ARHGAP21: variants seen among roughly 807,000 people sequenced by gnomAD.
ARHGAP21 encodes rho GTPase-activating protein 21.
In ARHGAP21, 38 loss-of-function variants were observed where a neutral mutation model predicts 164.6. The observed-to-expected ratio is 0.23, with a 90% confidence interval of 0.18 to 0.30. The LOEUF is 0.30. Ranked by LOEUF, ARHGAP21 falls within the 10% of genes least tolerant of loss-of-function variation. The pLI, the probability that ARHGAP21 is intolerant of heterozygous loss-of-function variation, is 1.00. For missense variants in ARHGAP21, 1,822 were observed against 2,370.7 expected, an observed-to-expected ratio of 0.77 and a Z score of 4.81; for synonymous variants, 766 against 857.9, an observed-to-expected ratio of 0.89 and a Z score of 1.87.
intron 2 of ARHGAP21, among the ~76,000 whole-genome samples, chr10:24,677,732 C>A (rs1441702609): frequency 6.6e-6 from 1 of 152,136 alleles, no homozygotes; most frequent in East Asian, 1.9e-4. Context: ...TGACTGGATC[C>A]TCCTTTTGAG....
chr10:24,618,988 T>C (rs766207083), intron 9 of ARHGAP21, among the ~76,000 whole-genome samples: 10 of 152,176 alleles, frequency 6.6e-5, no homozygotes, highest in Non-Finnish European at 1.5e-4. Flanking sequence ...CTTCTCTAAA[T>C]CTGTTCCAGG....
intron 2 of ARHGAP21, among the ~76,000 whole-genome samples, chr10:24,679,586 A>T (rs1841581972): frequency 6.6e-6 from 1 of 152,244 alleles, no homozygotes; most frequent in South Asian, 2.1e-4. Flanking sequence ...CCAGCAGTGT[A>T]TAAGTGATCC....
chr10:24,602,116 C>T lies in ARHGAP21; in HGVS notation c.2722-13G>A, dbSNP rs371026577. On this transcript the variant is annotated splice_polypyrimidine_tract_variant and intron_variant, in intron 12 of 25. Transcript: ENST00000396432. ...GGCTGTCTGCGATCTATAGAAAAGA[C>T]CAAGAAAACAGTAAAATGTCAGCAT... The T allele has an allele frequency of 1.9e-6, 3 of 1,608,164 alleles. No homozygotes were observed. Among genetic ancestry groups the T allele is most frequent in the Non-Finnish European group, 2.5e-6 (3 of 1,178,262 alleles).
chr10:24,652,301 A>G (rs1565099461), intron 4 of ARHGAP21, among the ~76,000 whole-genome samples: 1 of 152,218 alleles, frequency 6.6e-6, no homozygotes, highest in Non-Finnish European at 1.5e-5. Context: ...ACATAGGAAA[A>G]AAATTCATCT....
chr10:24,630,101 A>G, intron 6 of ARHGAP21, 51 bp from the exon 7 acceptor site: 1 of 1,034,844 alleles, frequency 9.7e-7, no homozygotes, highest in Middle Eastern at 3.4e-4. Flanking sequence ...GTATAAAAAA[A>G]GACTTAATGG....
At chr10:24,710,852 T>C (rs1451111427) in intron 2 of ARHGAP21, among the ~76,000 whole-genome samples, 1 of 152,034 alleles carries the variant, frequency 6.6e-6, no homozygotes, top group East Asian at 1.9e-4. Flanking sequence ...TCCCAGCACT[T>C]TGGGAGGCCA....
intron 1 of ARHGAP21, chr10:24,722,736 G>C (rs974910150): frequency 6.6e-6 from 1 of 152,060 alleles, no homozygotes; most frequent in Non-Finnish European, 1.5e-5. Context: ...TGGGCTCGGC[G>C]GCGTCTCCGG....
chr10:24,672,217 C>T (rs1840775236), intron 2 of ARHGAP21, among the ~76,000 whole-genome samples: 1 of 152,138 alleles, frequency 6.6e-6, no homozygotes, highest in Non-Finnish European at 1.5e-5. Context: ...TTGTCAGGGT[C>T]CCCCATGACT....
intron 4 of ARHGAP21, among the ~76,000 whole-genome samples, chr10:24,660,530 G>C (rs1236262034): frequency 1.3e-5 from 2 of 151,592 alleles, no homozygotes; most frequent in African/African-American, 4.8e-5. Context: ...CAAAGCCTTC[G>C]ATCATGGACC....
chr10:24,629,866 T>G (rs1164473853), intron 7 of ARHGAP21, 130 bp downstream of exon 7: 1 of 747,796 alleles, frequency 1.3e-6, no homozygotes, highest in East Asian at 2.7e-5. Context: ...CCAGATTCTG[T>G]AAAAGGAACC....
At chr10:24,708,441 G>A (rs1006613870) in intron 2 of ARHGAP21, among the ~76,000 whole-genome samples, 5 of 152,116 alleles carry the variant, frequency 3.3e-5, no homozygotes, top group Non-Finnish European at 5.9e-5. Context: ...ATTATTATTT[G>A]TACAAATTTA....
chr10:24,696,167 A>T (rs1440115666), intron 2 of ARHGAP21, among the ~76,000 whole-genome samples: 1 of 152,224 alleles, frequency 6.6e-6, no homozygotes, highest in Non-Finnish European at 1.5e-5. Context: ...AAAAGAGGAC[A>T]CAAACAGTGG....
chr10:24,601,848 T>C (rs550659442), intron 13 of ARHGAP21, 130 bp downstream of exon 13: 1 of 1,139,228 alleles, frequency 8.8e-7, no homozygotes, highest in African/African-American at 1.6e-5. Context: ...TGTAGAAAAA[T>C]CTATTTATAA....
chr10:24,611,310 C>T (rs891278951), intron 9 of ARHGAP21, among the ~76,000 whole-genome samples: 7 of 152,288 alleles, frequency 4.6e-5, no homozygotes, highest in South Asian at 4.2e-4. Context: ...CCTTGGAGAA[C>T]AAAAACTGTA....
intron 7 of ARHGAP21, among the ~76,000 whole-genome samples, chr10:24,627,047 G>C (rs1241553243): frequency 6.6e-6 from 1 of 152,086 alleles, no homozygotes; most frequent in Non-Finnish European, 1.5e-5. Flanking sequence ...CCTTACACGA[G>C]TCAAATTTTA....
intron 9 of ARHGAP21, among the ~76,000 whole-genome samples, chr10:24,617,149 T>C (rs1266581955): frequency 6.6e-6 from 1 of 152,174 alleles, no homozygotes; most frequent in South Asian, 2.1e-4. Context: ...AAATTATTTA[T>C]TTACATCAAT....
chr10:24,617,007 G>A (rs565264969), intron 9 of ARHGAP21, among the ~76,000 whole-genome samples: 11 of 152,194 alleles, frequency 7.2e-5, no homozygotes, highest in African/African-American at 2.4e-4. Context: ...CAACTCCTGC[G>A]CTGCAGACTG....
Position 24,595,665 on chromosome 10 carries a change from C to G in ARHGAP21, c.3712+52G>C. The G allele has an allele frequency of 2.0e-6, 3 of 1,535,996 alleles. No individual in the cohort carries two copies. The Admixed American group carries it at 5.3e-5, about 27-fold the overall frequency. Reference sequence around the variant, plus strand: ...TTCAATTTAATATTCTATGGTTTTCCAATTGTAACTTGAACCATTTCATCT... The same window carrying G: ...TTCAATTTAATATTCTATGGTTTTCGAATTGTAACTTGAACCATTTCATCT... On this transcript the variant is annotated intron_variant, in intron 19 of 25. Transcript: ENST00000396432.
intron 2 of ARHGAP21, among the ~76,000 whole-genome samples, chr10:24,695,049 T>A (rs1843038536): frequency 7.1e-5 from 1 of 14,132 alleles, no homozygotes; most frequent in East Asian, 2.4e-3. Context: ...AAATTCCATC[T>A]CAAAAAAAAA....
Sources: allele counts gnomAD v4.1 joint callset (sites outside exome capture counted in the v4.1 genomes callset), GRCh38; gene constraint gnomAD v4.1.1; transcripts MANE v1.5; gene names NCBI Gene and HGNC (gene_info 2026-07-23, HGNC 2026-07-21).